BRWD1: variants seen among roughly 807,000 people sequenced by gnomAD.
BRWD1 encodes bromodomain and WD repeat-containing protein 1.
Under a neutral mutation model 251.2 loss-of-function variants are expected in BRWD1, and 82 were observed. The ratio of observed to expected loss-of-function variants is 0.33; its 90% CI spans 0.27 to 0.39. BRWD1 has a LOEUF of 0.39. Ranked by LOEUF, BRWD1 falls within the 10% of genes least tolerant of loss-of-function variation. BRWD1 has a pLI of 1.00. For missense variants in BRWD1, 2,233 were observed against 2,711.6 expected (o/e 0.82, Z 3.92); for synonymous variants, 918 against 902.8 (o/e 1.02, Z -0.30).
chr21:39,299,895 T>C (rs1271917311), intron 4 of BRWD1, among the ~76,000 whole-genome samples: 1 of 151,310 alleles, frequency 6.6e-6, no homozygotes, highest in Non-Finnish European at 1.5e-5. Context: ...AGGTATGAAA[T>C]CACTTGAACC....
chr21:39,267,396 C>T (rs1318762620), intron 15 of BRWD1, among the ~76,000 whole-genome samples: 2 of 152,148 alleles, frequency 1.3e-5, no homozygotes, highest in African/African-American at 4.8e-5. Context: ...GAGATCGAGA[C>T]CATCCTGGCT....
chr21:39,264,541 T>C lies in BRWD1; in HGVS notation c.1804A>G (p.Thr602Ala), dbSNP rs1475962979. ...LVDVDGNPHP[T>A]KYQRLVPGRE... ...CCTGGTACTAATCTCTGATACTTGG[T>C]TGGATGAGGATTTCCATCTACATCT... The change falls in exon 17 of 41, where the codon ACC becomes GCC. Residue 602 changes from threonine to alanine, a missense_variant. Thr to Ala is a moderately conservative substitution (Grantham distance 58). Transcript: ENST00000342449. The C allele has an allele frequency of 2.5e-6, 4 of 1,613,570 alleles. No homozygotes were observed. The highest frequency in any genetic ancestry group is 2.2e-5 in the East Asian group (1 of 44,854).
At chr21:39,276,412 T>C (rs2146690737) in intron 11 of BRWD1, among the ~76,000 whole-genome samples, 199 bp from the exon 12 acceptor site, 1 of 152,336 alleles carries the variant, frequency 6.6e-6, no homozygotes, top group Middle Eastern at 3.4e-3. Context: ...AAATACAGCT[T>C]TCATTTCAAA....
intron 29 of BRWD1, 30 bp downstream of exon 29, chr21:39,224,378 A>G (rs1374279931): frequency 2.2e-6 from 3 of 1,358,602 alleles, no homozygotes; most frequent in Non-Finnish European, 1.0e-6. Flanking sequence ...TAAAAATAAA[A>G]TGTTTTCATT....
intron 4 of BRWD1, among the ~76,000 whole-genome samples, chr21:39,303,143 TGTAAA>T (rs574092105): frequency 1.7e-3 from 258 of 152,278 alleles, no homozygotes; most frequent in African/African-American, 5.5e-3. Flanking sequence ...AAGGAACTAA[TGTAAA>T]GTAATGTATA....
At chr21:39,287,455 A>G (rs1376417926) in intron 8 of BRWD1, among the ~76,000 whole-genome samples, 1 of 152,206 alleles carries the variant, frequency 6.6e-6, no homozygotes, top group African/African-American at 2.4e-5. Flanking sequence ...ATGTTTAACT[A>G]CAGATACAAT....
intron 4 of BRWD1, among the ~76,000 whole-genome samples, chr21:39,300,737 G>C (rs1296938789): frequency 2.0e-5 from 3 of 152,204 alleles, no homozygotes; most frequent in African/African-American, 7.2e-5. Flanking sequence ...CCATGGTCAA[G>C]AGGGGAAATG....
intron 4 of BRWD1, 57 bp downstream of exon 4, chr21:39,312,784 G>C: frequency 4.2e-6 from 6 of 1,442,304 alleles, no homozygotes; most frequent in Non-Finnish European, 4.8e-6. Context: ...AGGGGAAGGG[G>C]CGGGGGCGGG....
At position 39,238,470 on chromosome 21, in the gene BRWD1, AAC is replaced by A. The variant is rs2033887304; in HGVS notation, c.2576+7_2576+8del. 6.2e-7 allele frequency: 1 copy of A among 1,603,898 alleles called. No individual in the cohort carries two copies. Among genetic ancestry groups the A allele is most frequent in the Non-Finnish European group, 8.5e-7 (1 of 1,171,220 alleles). On this transcript the variant is annotated splice_region_variant and intron_variant, in intron 22 of 40. Transcript: ENST00000342449. ...ATGCTTAAAAGACCACAACAATAAA[AAC>A]AGATACCTTGAACTTTCGCTGTAAC...
intron 8 of BRWD1, among the ~76,000 whole-genome samples, chr21:39,280,721 G>C (rs557178485): frequency 3.9e-5 from 6 of 152,134 alleles, no homozygotes; most frequent in African/African-American, 9.7e-5. Context: ...TCTGTTGGGC[G>C]AACAATGGAT....
intron 3 of BRWD1, 81 bp downstream of exon 3, chr21:39,312,991 G>GGGCGGGCGGCGGC (rs2036558799): frequency 9.4e-7 from 1 of 1,064,152 alleles, no homozygotes; most frequent in Non-Finnish European, 1.2e-6. Flanking sequence ...CGGGCGGCGG[G>GGGCGGGCGGCGGC]CGGGGGGCGC....
intron 15 of BRWD1, among the ~76,000 whole-genome samples, chr21:39,268,111 T>C (rs1011403766): frequency 6.6e-6 from 1 of 152,146 alleles, no homozygotes; most frequent in Non-Finnish European, 1.5e-5. Context: ...ATGGATCCAA[T>C]ACTTGTGGGT....
In BRWD1 at chr21:39,186,984, T is replaced by C. The variant is rs751877341; in HGVS notation, c.*9275A>G. On this transcript the variant is annotated 3_prime_UTR_variant, in exon 41 of 41. Coordinates refer to ENST00000342449, the MANE Select transcript of BRWD1 (RefSeq NM_033656.4). ...GAATGTAACTGCCAGTTTACTTGTG[T>C]ACCAATTGTTTTCAGATGCCACTTC... 1 of 1,520,206 alleles carries C rather than the reference T, an allele frequency of 6.6e-7. No individual in the cohort carries two copies. Among genetic ancestry groups the C allele is most frequent in the Admixed American group, 2.3e-5 (1 of 43,596 alleles). The allele number at this position is 1,520,206 out of a possible 1,614,324, so 94.2% of individuals were successfully genotyped here.
intron 31 of BRWD1, chr21:39,216,719 T>A: frequency 2.4e-6 from 1 of 422,884 alleles, no homozygotes; most frequent in South Asian, 1.9e-5. Flanking sequence ...TGGACTGTGT[T>A]AAAGACTTCA....
intron 8 of BRWD1, among the ~76,000 whole-genome samples, chr21:39,290,843 CTA>C (rs1199508301): frequency 3.3e-5 from 5 of 152,126 alleles, no homozygotes; most frequent in Non-Finnish European, 5.9e-5. Context: ...AAATAAAACA[CTA>C]TCTCAGCAAG....
At chr21:39,284,678 T>C (rs959775180) in intron 8 of BRWD1, among the ~76,000 whole-genome samples, 1 of 152,228 alleles carries the variant, frequency 6.6e-6, no homozygotes, top group African/African-American at 2.4e-5. Context: ...TGATAATTAG[T>C]GATGTTAAGC....
chr21:39,313,756 A>G (rs1053331746), upstream of BRWD1: 15 of 384,188 alleles, frequency 3.9e-5, no homozygotes, highest in South Asian at 5.5e-4. Context: ...GGGGAGGCGA[A>G]CCTCGCTCAG....
intron 8 of BRWD1, among the ~76,000 whole-genome samples, chr21:39,284,803 G>A (rs1354030103): frequency 6.6e-6 from 1 of 152,038 alleles, no homozygotes; most frequent in African/African-American, 2.4e-5. Flanking sequence ...TTCCTTATAT[G>A]TTCTGGATAT....
intron 36 of BRWD1, among the ~76,000 whole-genome samples, chr21:39,208,694 T>TGCC (rs959348347): frequency 6.6e-6 from 1 of 152,078 alleles, no homozygotes; most frequent in Non-Finnish European, 1.5e-5. Context: ...TCATGCCTCG[T>TGCC]GCCTATAGGT....
Sources: gnomAD v4.1 joint callset for allele counts (sites outside exome capture counted in the v4.1 genomes callset) on GRCh38, gnomAD v4.1.1 for gene constraint, MANE v1.5 for transcripts, NCBI Gene and HGNC (gene_info 2026-07-23, HGNC 2026-07-21) for gene names.